Variants in AKAP9 observed in about 807,000 individuals in gnomAD.
AKAP9 encodes A-kinase anchor protein 9.
Under a neutral mutation model 488.5 loss-of-function variants are expected in AKAP9, and 311 were observed. The observed-to-expected ratio is 0.64, with a 90% CI of 0.58 to 0.70. The LOEUF (loss-of-function observed/expected upper bound fraction) is 0.70. Among genes scored for constraint, AKAP9 ranks in the 30% least tolerant of loss-of-function variants. The pLI, the probability that AKAP9 is intolerant of heterozygous loss-of-function variation, is 0.00. For missense variants in AKAP9, 4,215 were observed against 4,374.5 expected (o/e 0.96, Z 1.03); for synonymous variants, 1,462 against 1,483.5 (o/e 0.99, Z 0.33).
intron 1 of AKAP9, among the ~76,000 whole-genome samples, chr7:91,973,097 C>T (rs902885168): frequency 6.6e-6 from 1 of 152,138 alleles, no homozygotes; most frequent in African/African-American, 2.4e-5. Context: ...AGAGCTTGGC[C>T]AGCACACTGG....
In AKAP9 at chr7:92,002,879, G is replaced by T. The variant is rs754493921; in HGVS notation, c.2962G>T (p.Glu988Ter). ...AGTTAAATCTTTAAAGCAAGAGAAA[G>T]AACAAGTTTCATTGAGATGTAGAGA... is the stretch of plus-strand genomic sequence containing the variant. Reference protein sequence around the residue: ...EEVKSLKQEKEQVSLRCRELE... With the variant: ...EEVKSLKQEK The change falls in exon 8 of 50, where the codon GAA becomes TAA. Residue 988 changes from glutamate (E) to a stop codon, truncating the protein, a stop_gained. Transcript: ENST00000356239. LOFTEE classifies it high-confidence loss of function. 6.2e-7 allele frequency: 1 copy of T among 1,612,622 alleles called. No individual in the cohort carries two copies. The highest frequency in any genetic ancestry group is 8.5e-7 in the Non-Finnish European group (1 of 1,179,368).
intron 3 of AKAP9, among the ~76,000 whole-genome samples, chr7:91,981,967 G>A (rs1041569265): frequency 7.2e-5 from 11 of 151,938 alleles, no homozygotes; most frequent in Admixed American, 3.3e-4. Flanking sequence ...TGTATCTCTG[G>A]GGGCACCCCA....
chr7:92,052,554 T>A (rs1048045792), intron 21 of AKAP9, among the ~76,000 whole-genome samples, 172 bp from the exon 22 acceptor site: 1 of 152,212 alleles, frequency 6.6e-6, no homozygotes, highest in Non-Finnish European at 1.5e-5. Context: ...TTTGCTTGGT[T>A]ATTGAATAAT....
chr7:92,042,859 C>T, intron 20 of AKAP9, 88 bp downstream of exon 20: 1 of 875,376 alleles, frequency 1.1e-6, no homozygotes, highest in Non-Finnish European at 1.9e-6. Context: ...TTATCTTGTA[C>T]ATTGATACTT....
intron 29 of AKAP9, 85 bp downstream of exon 29, chr7:92,077,092 C>CTTTTTTTTTTTTTT (rs201649179): frequency 2.0e-5 from 6 of 296,970 alleles, no homozygotes; most frequent in African/African-American, 3.1e-5. Context: ...ATTATTATTT[C>CTTTTTTTTTTTTTT]TTTCTTTTTT....
chr7:91,977,570 C>A (rs1017414092), intron 2 of AKAP9, among the ~76,000 whole-genome samples: 1 of 152,076 alleles, frequency 6.6e-6, no homozygotes, highest in Non-Finnish European at 1.5e-5. Flanking sequence ...AAAGAAAAAA[C>A]CAAGACAAAA....
At chr7:91,978,241 CAA>C (rs11295179) in intron 2 of AKAP9, among the ~76,000 whole-genome samples, 75 of 88,680 alleles carry the variant, frequency 8.5e-4, no homozygotes, top group Admixed American at 9.9e-4. Context: ...GACTCTGTCT[CAA>C]AAAAAAAAAA....
At position 92,089,266 on chromosome 7, in the gene AKAP9, T is replaced by G. The variant is rs1410793746; in HGVS notation, c.9214-119T>G. The G allele has an allele frequency of 4.4e-6, 5 of 1,130,122 alleles. No homozygotes were observed. In the African/African-American group the frequency reaches 6.3e-5, roughly 14 times the overall value. The allele number at this position is 1,130,122 out of a possible 1,614,324, so 70.0% of individuals were successfully genotyped here. On this transcript the variant is annotated intron_variant, in intron 37 of 49. Coordinates refer to ENST00000356239, the MANE Select transcript of AKAP9 (RefSeq NM_005751.5). ...TTTTGGAAAGGAAAAATAAGAAAAT[T>G]TTTTAAAAAAGAAAATTTTAGTATG...
Position 92,002,544 on chromosome 7 carries a change from A to G in AKAP9, c.2627A>G (p.Asp876Gly), listed in dbSNP as rs1584044160. The change falls in exon 8 of 50, where the codon GAT (aspartate) becomes GGT (glycine). Residue 876 changes from aspartate (D) to glycine (G), a missense_variant. Physicochemically the swap from Asp to Gly is moderately conservative, Grantham distance 94 (BLOSUM62 -1). Around this residue, in one of 5 missense-constraint regions of AKAP9, gnomAD observed 2,361 missense variants for 2,430.0 expected, o/e 0.97. Transcript: ENST00000356239. ...TATGCTTGCCTTCTCAAAGTAAAAGATGATTTAGAAGACAGTAAAAATAAA... is the reference window on the plus strand; with the variant it reads ...TATGCTTGCCTTCTCAAAGTAAAAGGTGATTTAGAAGACAGTAAAAATAAA... ...EEYACLLKVK[D>G]DLEDSKNKQE... 6.2e-7 allele frequency: 1 copy of G among 1,610,246 alleles called. No homozygotes were observed. Among genetic ancestry groups the G allele is most frequent in the Non-Finnish European group, 8.5e-7 (1 of 1,178,364 alleles).
intron 3 of AKAP9, among the ~76,000 whole-genome samples, chr7:91,990,684 T>C (rs1409865299): frequency 6.6e-6 from 1 of 152,144 alleles, no homozygotes; most frequent in African/African-American, 2.4e-5. Flanking sequence ...AACTGATAAC[T>C]GATTCATGTA....
intron 46 of AKAP9, among the ~76,000 whole-genome samples, chr7:92,104,530 GCTGT>G (rs1818214625): frequency 6.6e-6 from 1 of 152,236 alleles, no homozygotes; most frequent in African/African-American, 2.4e-5. Context: ...TTAATTGGAA[GCTGT>G]CTGAGATCAC....
chr7:92,047,885 T>TC (rs1336162504), intron 21 of AKAP9, among the ~76,000 whole-genome samples: 1 of 152,208 alleles, frequency 6.6e-6, no homozygotes, highest in Non-Finnish European at 1.5e-5. Context: ...GTTAACTCCA[T>TC]CTTACTGTTT....
At position 92,003,615 on chromosome 7, in the gene AKAP9, GA is replaced by G. The variant is rs1401161261; in HGVS notation, c.3318+381del. On this transcript the variant is annotated intron_variant, in intron 8 of 49. Transcript: ENST00000356239. ...GGTTTCAGCGTTTTTATTTCATAGT[GA>G]TGTTTTCAAGTCTCTACAACTGAAA... Among the ~76,000 whole-genome samples, 6 of 151,910 alleles carry G rather than the reference GA, an allele frequency of 3.9e-5. No individual in the cohort carries two copies. In the East Asian group the frequency reaches 9.6e-4, roughly 24 times the overall value.
At chr7:92,055,505 G>A (rs1186344554) in intron 22 of AKAP9, among the ~76,000 whole-genome samples, 1 of 151,972 alleles carries the variant, frequency 6.6e-6, no homozygotes, top group African/African-American at 2.4e-5. Flanking sequence ...TATGAAGAAA[G>A]GTAGTTAAAT....
intron 12 of AKAP9, among the ~76,000 whole-genome samples, chr7:92,018,826 CCTT>C (rs1801910277): frequency 6.6e-6 from 1 of 152,156 alleles, no homozygotes. Context: ...TTAGGTCAGT[CCTT>C]CTGAGCTGCA....
intron 9 of AKAP9, among the ~76,000 whole-genome samples, chr7:92,013,739 G>C (rs1490883787): frequency 1.3e-5 from 2 of 152,138 alleles, no homozygotes; most frequent in African/African-American, 4.8e-5. Context: ...CTTTGGGTTT[G>C]AATTTAATAA....
chr7:91,971,153 C>T (rs1795025412), intron 1 of AKAP9, among the ~76,000 whole-genome samples: 1 of 152,092 alleles, frequency 6.6e-6, no homozygotes, highest in Non-Finnish European at 1.5e-5. Context: ...TCTGTGTCTT[C>T]TAGGTGATCT....
rs1184642172 is a variant in AKAP9, at chr7:92,065,316, A to AG, written c.6063_6064insG (p.Gln2022AlafsTer15). The stretch of plus-strand genomic sequence containing the variant: ...AAAAAGTACGTGATGACCTTCAAAA[A>AG]CAAGTGAAAGCTCTAGAAATAGATG... On this transcript the variant is annotated frameshift_variant, in exon 25 of 50. Transcript: ENST00000356239. LOFTEE classifies it high-confidence loss of function. 1.9e-6 allele frequency: 3 copies of AG among 1,613,256 alleles called. No individual in the cohort carries two copies. Among genetic ancestry groups the AG allele is most frequent in the Non-Finnish European group, 2.5e-6 (3 of 1,179,526 alleles).
intron 22 of AKAP9, 87 bp downstream of exon 22, chr7:92,053,045 C>T: frequency 1.8e-6 from 2 of 1,129,864 alleles, no homozygotes; most frequent in South Asian, 2.6e-5. Flanking sequence ...TTGATATTTT[C>T]ATGGATAGCT....
Sources: gnomAD v4.1 joint callset for allele counts (sites outside exome capture counted in the v4.1 genomes callset) on GRCh38, gnomAD v4.1.1 for gene constraint, gnomAD v4.1.1 regional missense constraint, MANE v1.5 for transcripts, NCBI Gene and HGNC (gene_info 2026-07-23, HGNC 2026-07-21) for gene names.